Variants in FAM234B observed in about 807,000 individuals in gnomAD.
The protein encoded by FAM234B is family with sequence similarity 234 member B, also known as protein FAM234B.
FAM234B carries 33 observed loss-of-function variants against 69.3 expected under a neutral mutation model. The observed-to-expected ratio is 0.48, with a 90% CI of 0.36 to 0.64. The LOEUF (loss-of-function observed/expected upper bound fraction) is 0.64. Ranked by LOEUF, FAM234B falls within the 30% of genes least tolerant of loss-of-function variation. FAM234B has a pLI of 0.00. For synonymous variants in FAM234B, 306 were observed against 306.9 expected (o/e 1.00, Z 0.03); for missense variants, 697 against 769.7 (o/e 0.91, Z 1.12).
intron 9 of FAM234B, among the ~76,000 whole-genome samples, chr12:13,068,981 T>C (rs1654978537): frequency 6.6e-6 from 1 of 152,174 alleles, no homozygotes; most frequent in South Asian, 2.1e-4. Context: ...GGGGGCCTTC[T>C]GAAATCTCTT....
rs949509708 is a variant in FAM234B at position 13,066,541 on chromosome 12, C to T, written c.853-99C>T. The T allele has an allele frequency of 1.1e-5, 14 of 1,315,680 alleles. No homozygotes were observed. In the African/African-American group the frequency reaches 1.5e-4, roughly 14 times the overall value. The allele number at this position is 1,315,680 out of a possible 1,614,324, so 81.5% of individuals were successfully genotyped here. Reference sequence around the variant, plus strand: ...TCCAACTTGGGGGAGTGTTTCTGAGCCCGTGGCTTATGAGGAGGCAGTGAC... The same window carrying T: ...TCCAACTTGGGGGAGTGTTTCTGAGTCCGTGGCTTATGAGGAGGCAGTGAC... On this transcript the variant is annotated intron_variant, in intron 5 of 12. Coordinates refer to ENST00000197268, the MANE Select transcript of FAM234B (RefSeq NM_020853.2).
intron 1 of FAM234B, among the ~76,000 whole-genome samples, chr12:13,048,801 G>A (rs1277091623): frequency 2.0e-5 from 3 of 152,198 alleles, no homozygotes; most frequent in Non-Finnish European, 4.4e-5. Flanking sequence ...AGGTTTAATG[G>A]TCTTACAGTT....
intron 1 of FAM234B, among the ~76,000 whole-genome samples, chr12:13,048,183 A>G (rs951314563): frequency 1.3e-5 from 2 of 152,182 alleles, no homozygotes; most frequent in East Asian, 1.9e-4. Flanking sequence ...GAATGCTTGG[A>G]CATCAAATTG....
intron 1 of FAM234B, among the ~76,000 whole-genome samples, chr12:13,046,442 C>CTTTGTTTGTTTTTTTGTTTG (rs1864813023): frequency 6.6e-6 from 1 of 151,948 alleles, no homozygotes; most frequent in Non-Finnish European, 1.5e-5. Flanking sequence ...CCACTGTTTT[C>CTTTGTTTGTTTTTTTGTTTG]TTTGTTTGTT....
intron 1 of FAM234B, among the ~76,000 whole-genome samples, chr12:13,051,992 T>G (rs1864881900): frequency 1.3e-5 from 2 of 152,174 alleles, no homozygotes; most frequent in Non-Finnish European, 2.9e-5. Flanking sequence ...CTCAATAAAG[T>G]TAAGAAATTT....
rs761822694 is a variant in FAM234B, at chr12:13,067,771, C to G, written c.1142+475C>G. On this transcript the variant is annotated intron_variant, in intron 7 of 12. Transcript: ENST00000197268. This position sits in a 1 kb window ranked among gnomAD's most constrained non-coding sequence, Gnocchi z 4.7. ...CATGCAGGGGATTTTACCCATTTAA[C>G]CCCAAGCCTGGCTAATAATTGTTTC... Among the ~76,000 whole-genome samples the G allele has an allele frequency of 1.3e-4, 20 of 152,330 alleles. No homozygotes were observed. Among genetic ancestry groups the G allele is most frequent in the African/African-American group, 4.8e-4 (20 of 41,576 alleles).
At chr12:13,062,734 T>C in intron 4 of FAM234B, 111 bp from the exon 5 acceptor site, 5 of 1,117,774 alleles carry the variant, frequency 4.5e-6, no homozygotes, top group Non-Finnish European at 6.4e-6. Context: ...TAGGAGTTGC[T>C]GTCTGTTGTT....
rs182316617 is a variant in FAM234B, at chr12:13,057,247, G to A, written c.434-1204G>A. ...CCCACCTCGGCCTCCCAAAGTGCTG[G>A]GATTATAGTTGTGAGCCACTGCACC... On this transcript the variant is annotated intron_variant, in intron 2 of 12. Coordinates refer to ENST00000197268, the MANE Select transcript of FAM234B (RefSeq NM_020853.2). Among the ~76,000 whole-genome samples the A allele has an allele frequency of 9.4e-3, 1,426 of 152,058 alleles. 13 individuals carry two copies. The highest frequency in any genetic ancestry group is 0.017 in the Middle Eastern group (5 of 294).
intron 1 of FAM234B, among the ~76,000 whole-genome samples, chr12:13,053,588 GAGT>G (rs1864898036): frequency 6.6e-6 from 1 of 152,128 alleles, no homozygotes; most frequent in South Asian, 2.1e-4. Flanking sequence ...TAGGAACAGG[GAGT>G]AGGTCACAAA....
In FAM234B at chr12:13,076,117, C is replaced by T. The variant is rs1224826586; in HGVS notation, c.1616C>T (p.Thr539Ile). The T allele has an allele frequency of 1.2e-6, 2 of 1,614,014 alleles. No homozygotes were observed. Among genetic ancestry groups the T allele is most frequent in the Non-Finnish European group, 8.5e-7 (1 of 1,179,868 alleles). Residue 539 changes from threonine (T) to isoleucine (I), a missense_variant, in exon 11 of 13, where the codon ACC becomes ATC. By Grantham distance (89) the Thr-to-Ile change is moderately conservative. Around this residue, in one of 3 missense-constraint regions of FAM234B, gnomAD observed 313 missense variants for 305.5 expected, o/e 1.02. Transcript: ENST00000197268. ...TCCATCCTTCTGGATCTGGCCAACA[C>T]CACCGGCACAGTGACGGCTTCAGAG... Reference protein sequence around the residue: ...FPSILLDLANTTGTVTASEVG... With the variant: ...FPSILLDLANITGTVTASEVG...
chr12:13,071,815 G>A (rs955097865), intron 10 of FAM234B, among the ~76,000 whole-genome samples: 1 of 152,174 alleles, frequency 6.6e-6, no homozygotes, highest in East Asian at 1.9e-4. Context: ...GAAGGAACGG[G>A]GATGGGGGAG....
chr12:13,053,941 C>T (rs1864901536), intron 1 of FAM234B, among the ~76,000 whole-genome samples: 1 of 152,196 alleles, frequency 6.6e-6, no homozygotes, highest in African/African-American at 2.4e-5. Context: ...GTGATATCTT[C>T]CCTACTTGCA....
At position 13,055,928 on chromosome 12, in the gene FAM234B, C is replaced by G; in HGVS notation, c.415C>G (p.His139Asp). 6.4e-7 allele frequency: 1 copy of G among 1,568,368 alleles called. No homozygotes were observed. Among genetic ancestry groups the G allele is most frequent in the Non-Finnish European group, 8.7e-7 (1 of 1,156,008 alleles). Residue 139 changes from histidine to aspartate, a missense_variant, in exon 2 of 13, where the codon CAC becomes GAC. Around this residue, in one of 3 missense-constraint regions of FAM234B, gnomAD observed 380 missense variants for 447.1 expected, o/e 0.85. Coordinates refer to ENST00000197268, the MANE Select transcript of FAM234B (RefSeq NM_020853.2). ...PRDLHSTWSR[H>D]LGSQGGGDLS... The stretch of plus-strand genomic sequence containing the variant: ...AGATCTGCACAGCACCTGGAGCCGC[C>G]ACTTGGGCTCCCAGGGAGGTGAGCT...
chr12:13,050,741 T>C (rs1217035847), intron 1 of FAM234B, among the ~76,000 whole-genome samples: 5 of 152,148 alleles, frequency 3.3e-5, no homozygotes, highest in African/African-American at 9.7e-5. Context: ...ATAATAATAA[T>C]ATCTACCATA....
chr12:13,050,148 C>G (rs1864860322), intron 1 of FAM234B, among the ~76,000 whole-genome samples: 1 of 152,166 alleles, frequency 6.6e-6, no homozygotes, highest in Non-Finnish European at 1.5e-5. Context: ...TGCATCTGAA[C>G]TCCAAATTCA....
In FAM234B at chr12:13,071,322, T is replaced by G. The variant is rs1006753228; in HGVS notation, c.1450T>G (p.Ser484Ala). Reference protein sequence around the residue: ...PCHMKETPATSAVTSDQKSVF... With the variant: ...PCHMKETPATAAVTSDQKSVF... ...TCACATGAAAGAAACGCCAGCCACC[T>G]CAGCAGTTACTTCAGACCAGAAGTC... The change falls in exon 10 of 13, where the codon TCA becomes GCA. Residue 484 changes from serine (S) to alanine (A), a missense_variant. Ser to Ala is a moderately conservative substitution (Grantham distance 99). This residue lies in a region of FAM234B where 313 missense variants were observed against 305.5 expected (regional missense o/e 1.02). Transcript: ENST00000197268. 8 of 1,614,050 alleles carry G rather than the reference T, an allele frequency of 5.0e-6. No individual in the cohort carries two copies. In the African/African-American group the frequency reaches 6.7e-5, roughly 13 times the overall value.
rs1865053079 is a variant in FAM234B at position 13,067,486 on chromosome 12, G to A, written c.1142+190G>A. Among the ~76,000 whole-genome samples, 3 of 152,150 alleles carry A rather than the reference G, an allele frequency of 2.0e-5. No individual in the cohort carries two copies. In the South Asian group the frequency reaches 6.2e-4, roughly 32 times the overall value. On this transcript the variant is annotated intron_variant, in intron 7 of 12. Transcript: ENST00000197268. This position sits in a 1 kb window ranked among gnomAD's most constrained non-coding sequence, Gnocchi z 4.7. ...TTTTCTTCTCTTGGTAACATAATGC[G>A]TTGATATCTATGTGTTGGTGACCAC...
intron 4 of FAM234B, chr12:13,062,185 G>T (rs893191851): frequency 1.2e-4 from 20 of 162,002 alleles, no homozygotes; most frequent in Non-Finnish European, 2.7e-4. Context: ...TGGCCTTTTA[G>T]CTTCTTACTG....
intron 10 of FAM234B, among the ~76,000 whole-genome samples, chr12:13,072,729 C>CA (rs55734917): frequency 2.8e-3 from 254 of 89,780 alleles, no homozygotes; most frequent in Middle Eastern, 6.3e-3. Flanking sequence ...GACTTTGTCT[C>CA]AAAAAAAAAA....
Sources: gnomAD v4.1 joint callset for allele counts (sites outside exome capture counted in the v4.1 genomes callset) on GRCh38, gnomAD v4.1.1 for gene constraint, gnomAD v4.1.1 regional missense constraint, Gnocchi (gnomAD v3.1) non-coding constraint, MANE v1.5 for transcripts, NCBI Gene and HGNC (gene_info 2026-07-23, HGNC 2026-07-21) for gene names.